Variants in RAB10 observed in about 807,000 individuals in gnomAD.
The protein encoded by RAB10 is RAB10, member RAS oncogene family, also known as ras-related protein Rab-10.
RAB10 carries 5 observed loss-of-function variants against 25.7 expected under a neutral mutation model. The ratio of observed to expected loss-of-function variants is 0.19; its 90% confidence interval spans 0.10 to 0.41. The LOEUF (loss-of-function observed/expected upper bound fraction) is 0.41. Among genes scored for constraint, RAB10 ranks in the 10% least tolerant of loss-of-function variants. The probability of loss-of-function intolerance (pLI) is 1.00; values close to 1 mark genes in which losing one functional copy is unlikely to be tolerated. For synonymous variants in RAB10, 89 were observed against 86.4 expected (o/e 1.03, Z -0.16); for missense variants, 103 against 245.8 (o/e 0.42, Z 3.89).
intron 1 of RAB10, among the ~76,000 whole-genome samples, chr2:26,063,115 CAAA>C (rs5829994): frequency 9.2e-5 from 13 of 141,550 alleles, no homozygotes; most frequent in Non-Finnish European, 1.4e-4. Flanking sequence ...AACTCCATCT[CAAA>C]AAAAAAAAAA....
chr2:26,108,439 C>T (rs1278692266), intron 2 of RAB10, among the ~76,000 whole-genome samples: 3 of 152,128 alleles, frequency 2.0e-5, no homozygotes, highest in African/African-American at 7.2e-5. Flanking sequence ...ACTTACGTAA[C>T]ATTCTGGAAA....
At chr2:26,075,392 C>T (rs1666711214) in intron 1 of RAB10, among the ~76,000 whole-genome samples, 1 of 152,070 alleles carries the variant, frequency 6.6e-6, no homozygotes, top group African/African-American at 2.4e-5. Flanking sequence ...ATACTTCCCA[C>T]CCACCTCCTC....
At chr2:26,086,758 A>C (rs2149275866) in intron 1 of RAB10, among the ~76,000 whole-genome samples, 1 of 152,366 alleles carries the variant, frequency 6.6e-6, no homozygotes, top group East Asian at 1.9e-4. Flanking sequence ...GGATAGACAA[A>C]TTATGGTGTA....
chr2:26,122,906 G>T (rs1490773593), intron 3 of RAB10, among the ~76,000 whole-genome samples: 1 of 152,020 alleles, frequency 6.6e-6, no homozygotes, highest in Admixed American at 6.6e-5. Flanking sequence ...TGGCAGGGAG[G>T]GGGGCAGGCC....
At chr2:26,097,591 T>G (rs1667250123) in intron 1 of RAB10, among the ~76,000 whole-genome samples, 1 of 152,208 alleles carries the variant, frequency 6.6e-6, no homozygotes, top group Non-Finnish European at 1.5e-5. Flanking sequence ...TCAATACTGT[T>G]AAATGTGTTG....
At chr2:26,056,565 T>G (rs575434264) in intron 1 of RAB10, among the ~76,000 whole-genome samples, 3 of 152,286 alleles carry the variant, frequency 2.0e-5, no homozygotes, top group Non-Finnish European at 4.4e-5. Flanking sequence ...AAATTAGTCT[T>G]TTATCAATCT....
chr2:26,035,254 A>G (rs552312085), intron 1 of RAB10, among the ~76,000 whole-genome samples: 6 of 152,274 alleles, frequency 3.9e-5, no homozygotes, highest in African/African-American at 9.6e-5. Context: ...TCACTAATCC[A>G]TTGATGTGTC....
Position 26,125,704 on chromosome 2 carries a change from T to G in RAB10, c.328-1440T>G, listed in dbSNP as rs76993344. Among the ~76,000 whole-genome samples the G allele has an allele frequency of 7.8e-3, 1,180 of 152,220 alleles. 13 individuals are homozygous for G. The highest frequency in any genetic ancestry group is 0.026 in the African/African-American group (1,067 of 41,538). On this transcript the variant is annotated intron_variant, in intron 3 of 5. Transcript: ENST00000264710. Reference sequence around the variant, plus strand: ...GGCTCAGGCAATTTTCCTGACAGCCTCCCAAAGTGCTGTCATTTTTTGTTG... The same window carrying G: ...GGCTCAGGCAATTTTCCTGACAGCCGCCCAAAGTGCTGTCATTTTTTGTTG...
intron 1 of RAB10, among the ~76,000 whole-genome samples, chr2:26,065,234 A>G (rs1666490533): frequency 6.6e-6 from 1 of 152,150 alleles, no homozygotes; most frequent in South Asian, 2.1e-4. Flanking sequence ...AAAAAGAAAA[A>G]AAAAACATGA....
At chr2:26,099,468 A>G (rs565071612) in intron 2 of RAB10, among the ~76,000 whole-genome samples, 3 of 145,620 alleles carry the variant, frequency 2.1e-5, no homozygotes, top group East Asian at 2.0e-4. Flanking sequence ...CTTCCCTGCT[A>G]CCCCTGGTCC....
chr2:26,077,933 C>T (rs1372715003), intron 1 of RAB10, among the ~76,000 whole-genome samples: 2 of 151,916 alleles, frequency 1.3e-5, no homozygotes, highest in East Asian at 1.9e-4. Flanking sequence ...GAGCCAAGAT[C>T]GCGCCACTGC....
At chr2:26,077,933 C>A (rs1372715003) in intron 1 of RAB10, among the ~76,000 whole-genome samples, 1 of 152,034 alleles carries the variant, frequency 6.6e-6, no homozygotes, top group East Asian at 1.9e-4. Context: ...GAGCCAAGAT[C>A]GCGCCACTGC....
intron 1 of RAB10, among the ~76,000 whole-genome samples, chr2:26,069,855 GC>G (rs1406926841): frequency 1.3e-5 from 2 of 151,824 alleles, no homozygotes; most frequent in African/African-American, 2.4e-5. Flanking sequence ...ACAGGCACGT[GC>G]CACCATGCCC....
chr2:26,069,097 C>T (rs1574536557), intron 1 of RAB10, among the ~76,000 whole-genome samples: 1 of 152,148 alleles, frequency 6.6e-6, no homozygotes, highest in Non-Finnish European at 1.5e-5. Flanking sequence ...GCCTATTTGC[C>T]CTCTGAACAG....
At chr2:26,042,011 C>T (rs201928234) in intron 1 of RAB10, among the ~76,000 whole-genome samples, 1 of 152,196 alleles carries the variant, frequency 6.6e-6, no homozygotes, top group East Asian at 1.9e-4. Context: ...TTGACCATAA[C>T]CATCTTGGTA....
intron 1 of RAB10, among the ~76,000 whole-genome samples, chr2:26,067,722 G>A (rs1055404797): frequency 3.3e-5 from 5 of 152,248 alleles, no homozygotes; most frequent in Non-Finnish European, 7.3e-5. Flanking sequence ...GTTAAAATGT[G>A]ATAGCTGTTT....
intron 2 of RAB10, among the ~76,000 whole-genome samples, chr2:26,109,356 A>G (rs1482880199): frequency 3.3e-5 from 5 of 152,236 alleles, no homozygotes; most frequent in Non-Finnish European, 7.3e-5. Context: ...GCATTAAATA[A>G]TGGAAAATAC....
At chr2:26,057,485 A>C (rs1171508479) in intron 1 of RAB10, among the ~76,000 whole-genome samples, 2 of 152,136 alleles carry the variant, frequency 1.3e-5, no homozygotes, top group Non-Finnish European at 2.9e-5. Context: ...TTAACATTTA[A>C]GGTGTAGACA....
intron 1 of RAB10, among the ~76,000 whole-genome samples, chr2:26,035,558 G>A (rs1395453688): frequency 6.6e-6 from 1 of 152,164 alleles, no homozygotes; most frequent in Non-Finnish European, 1.5e-5. Flanking sequence ...TCCCGTTTAG[G>A]AAAGGAAAAG....
Sources: allele counts gnomAD v4.1 joint callset (sites outside exome capture counted in the v4.1 genomes callset), GRCh38; gene constraint gnomAD v4.1.1; transcripts MANE v1.5; gene names NCBI Gene and HGNC (gene_info 2026-07-23, HGNC 2026-07-21).